Variants in CNTNAP5 observed in about 807,000 individuals in gnomAD.
CNTNAP5 encodes the protein contactin-associated protein-like 5.
A neutral mutation model predicts 150.2 loss-of-function variants in CNTNAP5; 72 were observed. That is an observed-to-expected ratio of 0.48 (90% CI 0.40 to 0.58). The LOEUF (loss-of-function observed/expected upper bound fraction) is 0.58. CNTNAP5 is among the 20% of genes least tolerant of loss of function. The probability of loss-of-function intolerance (pLI) is 0.00; values close to 1 mark genes in which losing one functional copy is unlikely to be tolerated. For missense variants in CNTNAP5, 1,636 were observed against 1,626.2 expected (o/e 1.01, Z -0.10); for synonymous variants, 672 against 619.8 (o/e 1.08, Z -1.25).
chr2:124,817,647 T>C (rs764204021), intron 19 of CNTNAP5, among the ~76,000 whole-genome samples: 5 of 152,194 alleles, frequency 3.3e-5, no homozygotes, highest in Non-Finnish European at 7.3e-5. Flanking sequence ...CAGTTCTTAC[T>C]GGAGGATAAA....
intron 20 of CNTNAP5, among the ~76,000 whole-genome samples, chr2:124,868,841 C>A (rs949486000): frequency 6.6e-6 from 1 of 152,018 alleles, no homozygotes; most frequent in African/African-American, 2.4e-5. Context: ...TACAGGTGAA[C>A]TGTAAAATAA....
chr2:124,730,820 T>C (rs964577412), intron 13 of CNTNAP5, among the ~76,000 whole-genome samples: 2 of 152,124 alleles, frequency 1.3e-5, no homozygotes, highest in African/African-American at 4.8e-5. Flanking sequence ...CTTATTTTAT[T>C]TTTTGTTATA....
intron 8 of CNTNAP5, among the ~76,000 whole-genome samples, chr2:124,523,102 C>T (rs529282905): frequency 6.6e-6 from 1 of 152,262 alleles, no homozygotes; most frequent in African/African-American, 2.4e-5. Context: ...ATGTTAATAT[C>T]CATACCCTCT....
intron 3 of CNTNAP5, among the ~76,000 whole-genome samples, chr2:124,414,262 A>G (rs1573978661): frequency 1.3e-5 from 2 of 152,112 alleles, no homozygotes; most frequent in African/African-American, 2.4e-5. Flanking sequence ...CATCCGGCAC[A>G]TAACTTCCGG....
At chr2:124,483,615 TCTC>T (rs1023387617) in intron 7 of CNTNAP5, among the ~76,000 whole-genome samples, 1 of 152,184 alleles carries the variant, frequency 6.6e-6, no homozygotes. Flanking sequence ...TGTCCCACCT[TCTC>T]CTCAGAGCCC....
intron 13 of CNTNAP5, among the ~76,000 whole-genome samples, chr2:124,725,799 T>C (rs2105121453): frequency 6.6e-6 from 1 of 152,210 alleles, no homozygotes; most frequent in Non-Finnish European, 1.5e-5. Flanking sequence ...CTCATGTAAG[T>C]GAGATCATAA....
At chr2:124,494,047 A>C (rs1039680897) in intron 7 of CNTNAP5, among the ~76,000 whole-genome samples, 1 of 132,304 alleles carries the variant, frequency 7.6e-6, no homozygotes, top group African/African-American at 2.8e-5. Flanking sequence ...TTCCCTAGAG[A>C]GAATCAATAG....
At chr2:124,174,015 T>G (rs1685002185) in intron 1 of CNTNAP5, among the ~76,000 whole-genome samples, 1 of 151,262 alleles carries the variant, frequency 6.6e-6, no homozygotes, top group Admixed American at 6.6e-5. Flanking sequence ...TACTTGTGCC[T>G]CATAAATGGA....
chr2:124,045,393 G>T (rs796881273), intron 1 of CNTNAP5, among the ~76,000 whole-genome samples: 4 of 151,288 alleles, frequency 2.6e-5, no homozygotes, highest in African/African-American at 9.7e-5. Context: ...CACCTCCCAG[G>T]TTCAAGTGAT....
intron 1 of CNTNAP5, among the ~76,000 whole-genome samples, chr2:124,076,688 G>A (rs1192286443): frequency 6.6e-6 from 1 of 152,026 alleles, no homozygotes; most frequent in Non-Finnish European, 1.5e-5. Context: ...CATTAACCCT[G>A]TTTTGGAAAG....
chr2:124,543,565 G>A (rs1022775094), intron 10 of CNTNAP5, among the ~76,000 whole-genome samples: 32 of 152,088 alleles, frequency 2.1e-4, no homozygotes, highest in Non-Finnish European at 1.0e-4. Context: ...TAACCATGTC[G>A]GCTGTTTATC....
intron 1 of CNTNAP5, among the ~76,000 whole-genome samples, chr2:124,074,003 T>C (rs923986424): frequency 3.3e-5 from 5 of 152,232 alleles, no homozygotes; most frequent in Middle Eastern, 3.4e-3. Flanking sequence ...GTACTATTTA[T>C]ACATAAAAAA....
chr2:124,860,796 G>T (rs1677509138), intron 19 of CNTNAP5, among the ~76,000 whole-genome samples: 2 of 151,996 alleles, frequency 1.3e-5, no homozygotes, highest in Non-Finnish European at 2.9e-5. Context: ...AGAGGCCAGG[G>T]AGGGCTTCTT....
chr2:124,597,683 G>A (rs1478071242), intron 11 of CNTNAP5, among the ~76,000 whole-genome samples: 8 of 151,000 alleles, frequency 5.3e-5, no homozygotes, highest in African/African-American at 9.7e-5. Flanking sequence ...GAATCTGAAC[G>A]TTGGCCTGCC....
intron 12 of CNTNAP5, among the ~76,000 whole-genome samples, chr2:124,642,950 G>A (rs1301032743): frequency 6.6e-6 from 1 of 152,098 alleles, no homozygotes; most frequent in African/African-American, 2.4e-5. Context: ...GGAAGCCATG[G>A]GGCACAGTAT....
At chr2:124,215,712 C>CAAAAAAA (rs397985759) in intron 1 of CNTNAP5, among the ~76,000 whole-genome samples, 26 of 82,042 alleles carry the variant, frequency 3.2e-4, no homozygotes, top group Middle Eastern at 9.8e-3. Context: ...AGAAGAAAGG[C>CAAAAAAA]AAAAAAAAAA....
intron 3 of CNTNAP5, among the ~76,000 whole-genome samples, chr2:124,271,651 T>A (rs1687754398): frequency 6.9e-6 from 1 of 145,316 alleles, no homozygotes; most frequent in Non-Finnish European, 1.5e-5. Context: ...TCATTTAGTT[T>A]TTTTTTAATC....
chr2:124,335,388 A>C (rs1689446389), intron 3 of CNTNAP5, among the ~76,000 whole-genome samples: 1 of 151,882 alleles, frequency 6.6e-6, no homozygotes, highest in Admixed American at 6.6e-5. Flanking sequence ...CAGGACCCAA[A>C]AATTGGGCTC....
chr2:124,803,968 A>T (rs1682028469), intron 19 of CNTNAP5, among the ~76,000 whole-genome samples: 1 of 152,182 alleles, frequency 6.6e-6, no homozygotes, highest in East Asian at 1.9e-4. Flanking sequence ...CAGAAGGGGA[A>T]AAGCAAGCCT....
Sources: allele counts gnomAD v4.1 joint callset (sites outside exome capture counted in the v4.1 genomes callset), GRCh38; gene constraint gnomAD v4.1.1; transcripts MANE v1.5; gene names NCBI Gene and HGNC (gene_info 2026-07-23, HGNC 2026-07-21).